DPP10: variants seen among roughly 807,000 people sequenced by gnomAD.
DPP10 encodes the protein inactive dipeptidyl peptidase 10.
DPP10 carries 33 observed loss-of-function variants against 120.9 expected under a neutral mutation model. The ratio of observed to expected loss-of-function variants is 0.27; its 90% CI spans 0.21 to 0.37. The LOEUF (loss-of-function observed/expected upper bound fraction) is 0.37, where lower values mean the gene tolerates loss of function less well. Among genes scored for constraint, DPP10 ranks in the 10% least tolerant of loss-of-function variants. The pLI is 1.00. For synonymous variants in DPP10, 337 were observed against 326.1 expected, an observed-to-expected ratio of 1.03 and a Z score of -0.36; for missense variants, 816 against 942.8, an observed-to-expected ratio of 0.87 and a Z score of 1.76.
rs547527475 is a variant in DPP10 at position 115,206,896 on chromosome 2, A to G, written c.61-102343A>G. Among the ~76,000 whole-genome samples, 25 of 152,342 alleles carry G rather than the reference A, an allele frequency of 1.6e-4. 2 individuals are homozygous for G. In the South Asian group the frequency reaches 4.8e-3, roughly 29 times the overall value. On this transcript the variant is annotated intron_variant, in intron 1 of 25. Coordinates refer to ENST00000410059, the MANE Select transcript of DPP10 (RefSeq NM_020868.6). ...TAACTTCAGCCATGCTGAGGGTTCT[A>G]TAGGCTTTAATATTCTTCAAAGATG...
At chr2:114,480,554 G>A (rs1319873575) in intron 1 of DPP10, among the ~76,000 whole-genome samples, 1 of 152,052 alleles carries the variant, frequency 6.6e-6, no homozygotes, top group Non-Finnish European at 1.5e-5. Context: ...CATGTCCTTT[G>A]TAGGAACATG....
At chr2:115,134,817 T>C (rs1436210080) in intron 1 of DPP10, among the ~76,000 whole-genome samples, 1 of 152,108 alleles carries the variant, frequency 6.6e-6, no homozygotes, top group Non-Finnish European at 1.5e-5. Context: ...ATTTTAGTAA[T>C]GGAAAATTTT....
chr2:115,749,562 G>T (rs749021056), intron 10 of DPP10, among the ~76,000 whole-genome samples: 1 of 152,084 alleles, frequency 6.6e-6, no homozygotes, highest in African/African-American at 2.4e-5. Flanking sequence ...CTCTTCCAAG[G>T]AGTATCTGTG....
At chr2:115,559,224 G>C (rs940374000) in intron 5 of DPP10, among the ~76,000 whole-genome samples, 1 of 152,116 alleles carries the variant, frequency 6.6e-6, no homozygotes, top group Non-Finnish European at 1.5e-5. Context: ...ACCCAAATGG[G>C]ATGAGTGCTC....
chr2:114,631,692 A>C (rs1445453968), intron 1 of DPP10, among the ~76,000 whole-genome samples: 1 of 152,142 alleles, frequency 6.6e-6, no homozygotes, highest in Non-Finnish European at 1.5e-5. Flanking sequence ...AAGACACTTC[A>C]CTTCTAAAAT....
chr2:115,843,589 C>T lies in DPP10; in HGVS notation c.*1244C>T, dbSNP rs937075182. ...CATTGGCCAAAAAGTTCACAGACAGCAGTGTTTGCTATTTACTTTGAATTG... is the reference window on the plus strand; with the variant it reads ...CATTGGCCAAAAAGTTCACAGACAGTAGTGTTTGCTATTTACTTTGAATTG... On this transcript the variant is annotated 3_prime_UTR_variant, in exon 26 of 26. Transcript: ENST00000410059. 14 of 152,164 alleles carry T rather than the reference C, an allele frequency of 9.2e-5. No individual in the cohort carries two copies. Among genetic ancestry groups the T allele is most frequent in the African/African-American group, 3.4e-4 (14 of 41,450 alleles). 9.4% of individuals were successfully genotyped at this position (152,164 alleles called of 1,614,324 possible).
At chr2:114,575,073 T>C (rs566779975) in intron 1 of DPP10, among the ~76,000 whole-genome samples, 19 of 152,144 alleles carry the variant, frequency 1.2e-4, no homozygotes, top group Non-Finnish European at 2.8e-4. Context: ...CATTTATTAG[T>C]ATTTGAGTTT....
chr2:115,749,721 T>C (rs1206476808), intron 10 of DPP10, among the ~76,000 whole-genome samples: 1 of 152,220 alleles, frequency 6.6e-6, no homozygotes, highest in Non-Finnish European at 1.5e-5. Context: ...AATATACTTA[T>C]GGGAAGACAT....
chr2:114,957,876 G>A (rs1465176838), intron 1 of DPP10, among the ~76,000 whole-genome samples: 1 of 152,142 alleles, frequency 6.6e-6, no homozygotes, highest in Non-Finnish European at 1.5e-5. Flanking sequence ...ATCACATAAT[G>A]TCCCTTACAT....
At chr2:115,710,364 T>G (rs2149567794) in intron 7 of DPP10, among the ~76,000 whole-genome samples, 1 of 152,240 alleles carries the variant, frequency 6.6e-6, no homozygotes, top group South Asian at 2.1e-4. Flanking sequence ...GTGACAACTA[T>G]AACGACAAAA....
intron 7 of DPP10, among the ~76,000 whole-genome samples, chr2:115,695,396 G>C (rs1262774927): frequency 1.3e-5 from 2 of 152,138 alleles, no homozygotes; most frequent in South Asian, 2.1e-4. Context: ...AATTTATAAA[G>C]GAAATAGGTT....
chr2:115,580,015 C>A (rs1285401441), intron 5 of DPP10: 1 of 151,594 alleles, frequency 6.6e-6, no homozygotes, highest in Non-Finnish European at 1.5e-5. Flanking sequence ...GTTGTTCCCT[C>A]CCTGTGTCCA....
chr2:115,292,801 G>A (rs2060713309), intron 1 of DPP10, among the ~76,000 whole-genome samples: 1 of 152,100 alleles, frequency 6.6e-6, no homozygotes, highest in African/African-American at 2.4e-5. Flanking sequence ...GAGGATCTGA[G>A]CATTGTCCCA....
chr2:114,714,071 TTGTGTGTGTGTGTGTG>T (rs59076753), intron 1 of DPP10, among the ~76,000 whole-genome samples: 1 of 147,338 alleles, frequency 6.8e-6, no homozygotes. Flanking sequence ...GGATTTGTGT[TTGTGTGTGTGTGTGTG>T]TGTGTGTGTG....
intron 5 of DPP10, among the ~76,000 whole-genome samples, chr2:115,603,207 A>T (rs144871562): frequency 0.017 from 2,509 of 151,110 alleles, 36 homozygotes; most frequent in Middle Eastern, 0.041. Flanking sequence ...TTTGGAGAAA[A>T]AAAGGTCTAT....
In DPP10 at chr2:115,107,422, C is replaced by CTTTTT. The variant is rs59046305; in HGVS notation, c.61-201793_61-201789dup. The stretch of plus-strand genomic sequence containing the variant: ...AAAAAGTTTGTGGGATTGGTTATAG[C>CTTTTT]TTTTTTTTTTTTTTTTTTTTTTTTT... On this transcript the variant is annotated intron_variant, in intron 1 of 25. Transcript: ENST00000410059. 2.3e-4 allele frequency among the ~76,000 whole-genome samples: 14 copies of CTTTTT among 59,868 alleles called. 1 individual carries two copies. The highest frequency in any genetic ancestry group is 6.2e-4 in the East Asian group (1 of 1,618). 39.3% of individuals were successfully genotyped at this position (59,868 alleles called of 152,430 possible).
At chr2:115,074,790 A>T (rs1232367028) in intron 1 of DPP10, among the ~76,000 whole-genome samples, 1 of 152,182 alleles carries the variant, frequency 6.6e-6, no homozygotes, top group African/African-American at 2.4e-5. Context: ...TATCATGGGG[A>T]TTTCTGCATG....
intron 2 of DPP10, among the ~76,000 whole-genome samples, chr2:115,317,898 C>T (rs1168491011): frequency 6.6e-6 from 1 of 151,968 alleles, no homozygotes; most frequent in Non-Finnish European, 1.5e-5. Context: ...CATATACTTT[C>T]TTCTATAATG....
At position 114,788,503 on chromosome 2, in the gene DPP10, C is replaced by G. The variant is rs899449119; in HGVS notation, c.60+345665C>G. 3.6e-4 allele frequency among the ~76,000 whole-genome samples: 54 copies of G among 151,434 alleles called. 1 individual carries two copies. Among genetic ancestry groups the G allele is most frequent in the African/African-American group, 1.3e-3 (52 of 41,174 alleles). ...CAATCTCAGCTCACTGCAACTTCTGCCTCCTGAGTTCAAGTGATTCTCCTG... is the reference window on the plus strand; with the variant it reads ...CAATCTCAGCTCACTGCAACTTCTGGCTCCTGAGTTCAAGTGATTCTCCTG... On this transcript the variant is annotated intron_variant, in intron 1 of 25. Transcript: ENST00000410059.
Sources: allele counts gnomAD v4.1 joint callset (sites outside exome capture counted in the v4.1 genomes callset), GRCh38; gene constraint gnomAD v4.1.1; transcripts MANE v1.5; gene names NCBI Gene and HGNC (gene_info 2026-07-23, HGNC 2026-07-21).